The following MAGI2 variants were observed in gnomAD, a reference collection of about 807,000 sequenced individuals.
The protein encoded by MAGI2 is membrane associated guanylate kinase, WW and PDZ domain containing 2, also known as membrane-associated guanylate kinase, WW and PDZ domain-containing protein 2.
MAGI2 carries 35 observed loss-of-function variants against 133.3 expected under a neutral mutation model. The ratio of observed to expected loss-of-function variants is 0.26; its 90% CI spans 0.20 to 0.35. The LOEUF (loss-of-function observed/expected upper bound fraction) is 0.35, where lower values mean the gene tolerates loss of function less well. MAGI2 is among the 10% of genes least tolerant of loss of function. MAGI2 has a pLI of 1.00. For synonymous variants in MAGI2, 729 were observed against 710.6 expected (o/e 1.03, Z -0.41); for missense variants, 1,636 against 1,863.4 (o/e 0.88, Z 2.25).
chr7:79,039,174 G>A (rs1811388117), intron 1 of MAGI2, among the ~76,000 whole-genome samples: 1 of 151,962 alleles, frequency 6.6e-6, no homozygotes, highest in African/African-American at 2.4e-5. Flanking sequence ...TATGAGATCT[G>A]ATGGTTTTAT....
chr7:79,140,354 A>T (rs1324471834), intron 1 of MAGI2, among the ~76,000 whole-genome samples: 2 of 152,128 alleles, frequency 1.3e-5, no homozygotes, highest in African/African-American at 2.4e-5. Flanking sequence ...TGGGAAACAT[A>T]ATTTTTTGAA....
intron 2 of MAGI2, among the ~76,000 whole-genome samples, chr7:78,853,392 G>T (rs1379758799): frequency 1.0e-5 from 1 of 99,194 alleles, no homozygotes; most frequent in Non-Finnish European, 1.8e-5. Context: ...GTCTCACTCT[G>T]TAGTCCAGGC....
At chr7:78,903,360 AT>A (rs369011592) in intron 2 of MAGI2, among the ~76,000 whole-genome samples, 2 of 150,788 alleles carry the variant, frequency 1.3e-5, no homozygotes, top group African/African-American at 2.4e-5. Flanking sequence ...CGCCCGGCTA[AT>A]TTTTTTTGTA....
At chr7:78,377,521 G>A (rs544101191) in intron 6 of MAGI2, among the ~76,000 whole-genome samples, 2 of 151,836 alleles carry the variant, frequency 1.3e-5, no homozygotes, top group Middle Eastern at 3.4e-3. Context: ...AAGAAGAGGG[G>A]GATGATGTTA....
At chr7:79,116,689 C>A (rs1411630388) in intron 1 of MAGI2, among the ~76,000 whole-genome samples, 1 of 152,068 alleles carries the variant, frequency 6.6e-6, no homozygotes, top group East Asian at 1.9e-4. Flanking sequence ...ATCATGGGGG[C>A]AAATCCCTCA....
intron 1 of MAGI2, among the ~76,000 whole-genome samples, chr7:79,115,648 T>C (rs1183655734): frequency 6.6e-6 from 1 of 152,046 alleles, no homozygotes; most frequent in Non-Finnish European, 1.5e-5. Context: ...GAATAACCAT[T>C]TCATGTATGG....
chr7:78,028,206 ATT>A (rs1809150731), intron 21 of MAGI2, among the ~76,000 whole-genome samples: 1 of 152,234 alleles, frequency 6.6e-6, no homozygotes, highest in Non-Finnish European at 1.5e-5. Context: ...TTTCTGAAGC[ATT>A]GTTTCCAAGT....
At chr7:78,980,247 G>A (rs1804662015) in intron 2 of MAGI2, among the ~76,000 whole-genome samples, 1 of 151,678 alleles carries the variant, frequency 6.6e-6, no homozygotes, top group Admixed American at 6.6e-5. Context: ...CAGGTAAAGT[G>A]TTTGTACATT....
rs558063616 is a variant in MAGI2 at position 78,990,821 on chromosome 7, A to T, written c.418+16269T>A. On this transcript the variant is annotated intron_variant, in intron 2 of 21. Coordinates refer to ENST00000354212, the MANE Select transcript of MAGI2 (RefSeq NM_012301.4). The stretch of plus-strand genomic sequence containing the variant: ...CTATATGTAACCTTGAACTAAACGT[A>T]AGTTTTCCATCTGTAAATATCCACC... Among the ~76,000 whole-genome samples, 7 of 151,762 alleles carry T rather than the reference A, an allele frequency of 4.6e-5. No homozygotes were observed. In the East Asian group the frequency reaches 1.4e-3, roughly 30 times the overall value.
intron 11 of MAGI2, 52 bp downstream of exon 11, chr7:78,201,110 A>C: frequency 6.7e-6 from 8 of 1,188,918 alleles, no homozygotes; most frequent in Admixed American, 2.7e-5. Context: ...TATTAAATGA[A>C]ATTGCAATAG....
intron 2 of MAGI2, among the ~76,000 whole-genome samples, chr7:78,895,258 C>A (rs1797111648): frequency 6.6e-6 from 1 of 152,168 alleles, no homozygotes; most frequent in Admixed American, 6.5e-5. Flanking sequence ...CAGATAGTAT[C>A]TGTCAGCAAG....
intron 3 of MAGI2, among the ~76,000 whole-genome samples, chr7:78,578,720 TGTGA>T (rs1258355479): frequency 2.0e-5 from 3 of 152,286 alleles, no homozygotes; most frequent in Non-Finnish European, 4.4e-5. Context: ...GAGCTGTGGA[TGTGA>T]GTGTGTTAAC....
intron 3 of MAGI2, 102 bp from the exon 4 acceptor site, chr7:78,521,747 T>C: frequency 1.1e-6 from 1 of 875,456 alleles, no homozygotes; most frequent in East Asian, 2.5e-5. Context: ...TATCCTATTT[T>C]ATATGTACAT....
intron 1 of MAGI2, among the ~76,000 whole-genome samples, chr7:79,338,725 G>A (rs1341199228): frequency 6.6e-6 from 1 of 152,094 alleles, no homozygotes; most frequent in African/African-American, 2.4e-5. Context: ...CATGTTAAAT[G>A]TTGTAACATA....
chr7:79,189,610 A>T (rs1827478422), intron 1 of MAGI2, among the ~76,000 whole-genome samples: 1 of 151,786 alleles, frequency 6.6e-6, no homozygotes, highest in Non-Finnish European at 1.5e-5. Context: ...TAATTGATGA[A>T]CCAATATTGA....
intron 9 of MAGI2, among the ~76,000 whole-genome samples, chr7:78,290,462 C>G (rs1238434714): frequency 6.6e-6 from 1 of 152,072 alleles, no homozygotes; most frequent in Non-Finnish European, 1.5e-5. Context: ...TCTTAGAGAC[C>G]TAGAAAGAGA....
chr7:79,243,289 A>T (rs999467254), intron 1 of MAGI2, among the ~76,000 whole-genome samples: 1 of 152,204 alleles, frequency 6.6e-6, no homozygotes, highest in Non-Finnish European at 1.5e-5. Context: ...CTTTAATGGT[A>T]CTTTGGTTCC....
In MAGI2 at chr7:79,048,854, G is replaced by A. The variant is rs189942583; in HGVS notation, c.302-41648C>T. Among the ~76,000 whole-genome samples the A allele has an allele frequency of 2.0e-3, 302 of 152,218 alleles. 5 individuals are homozygous for A. In the South Asian group the frequency reaches 0.037, roughly 19 times the overall value. The stretch of plus-strand genomic sequence containing the variant: ...CCAGGTGTGGTGACACATGCCTGGT[G>A]GTGCATGCCTGTAATCCCAGCTACT... On this transcript the variant is annotated intron_variant, in intron 1 of 21. Transcript: ENST00000354212.
intron 20 of MAGI2, among the ~76,000 whole-genome samples, chr7:78,108,681 TATGTGAGTGTATAC>T (rs1563131270): frequency 7.3e-5 from 11 of 151,236 alleles, no homozygotes. Context: ...TACACACATA[TATGTGAGTGTATAC>T]ACACACATAT....
Sources: allele counts gnomAD v4.1 joint callset (sites outside exome capture counted in the v4.1 genomes callset), GRCh38; gene constraint gnomAD v4.1.1; transcripts MANE v1.5; gene names NCBI Gene and HGNC (gene_info 2026-07-23, HGNC 2026-07-21).